CHD3: variants seen among roughly 807,000 people sequenced by gnomAD.
CHD3 encodes the protein chromodomain helicase DNA binding protein 3.
In CHD3, 52 loss-of-function variants were observed where a neutral mutation model predicts 248.9. The ratio of observed to expected loss-of-function variants is 0.21; its 90% CI spans 0.17 to 0.26. The LOEUF (loss-of-function observed/expected upper bound fraction) is 0.26, where lower values mean the gene tolerates loss of function less well. CHD3 is among the 10% of genes least tolerant of loss of function. The pLI is 1.00. For missense variants in CHD3, 1,482 were observed against 2,605.8 expected, an observed-to-expected ratio of 0.57 and a Z score of 9.39; for synonymous variants, 985 against 985.2, an observed-to-expected ratio of 1.00 and a Z score of 0.00.
intron 2 of CHD3, 169 bp from the exon 3 acceptor site, chr17:7,890,402 A>T (rs1968662878): frequency 3.6e-6 from 2 of 555,274 alleles, no homozygotes. Flanking sequence ...GCACTCCAGC[A>T]TGGGTGACAG....
rs1435071380 is a variant in CHD3 at position 7,909,472 on chromosome 17, C to T, written c.5590+134C>T. On this transcript the variant is annotated intron_variant, in intron 37 of 39. Transcript: ENST00000330494. This position sits in a 1 kb window ranked among gnomAD's most constrained non-coding sequence, Gnocchi z 8.1. ...CATCCCCCTCTGACCTCTAACCCCA[C>T]TCCTACCGACCTGGCACCCCCTTGG... 1.1e-5 allele frequency: 14 copies of T among 1,285,932 alleles called. No homozygotes were observed. Among genetic ancestry groups the T allele is most frequent in the Non-Finnish European group, 1.3e-5 (13 of 966,716 alleles). 79.7% of individuals were successfully genotyped at this position (1,285,932 alleles called of 1,614,324 possible).
Position 7,909,396 on chromosome 17 carries a change from C to T in CHD3, c.5590+58C>T. 6.8e-7 allele frequency: 1 copy of T among 1,477,472 alleles called. No homozygotes were observed. Among genetic ancestry groups the T allele is most frequent in the Non-Finnish European group, 9.0e-7 (1 of 1,111,490 alleles). The allele number at this position is 1,477,472 out of a possible 1,614,324, so 91.5% of individuals were successfully genotyped here. On this transcript the variant is annotated intron_variant, in intron 37 of 39. Transcript: ENST00000330494. This position sits in a 1 kb window ranked among gnomAD's most constrained non-coding sequence, Gnocchi z 8.1. ...GCCCACAACGCTGCGTAAGTCTTCA[C>T]CCCGCACCCCTCAAAATCTTCCCAC...
chr17:7,907,785 T>A lies in CHD3; in HGVS notation c.5026+83T>A. 6.6e-7 allele frequency: 1 copy of A among 1,504,826 alleles called. No homozygotes were observed. Among genetic ancestry groups the A allele is most frequent in the Non-Finnish European group, 8.9e-7 (1 of 1,126,590 alleles). The allele number at this position is 1,504,826 out of a possible 1,614,324, so 93.2% of individuals were successfully genotyped here. A position where few individuals can be genotyped will look rare whatever the true frequency, so the allele number is the denominator to read the frequency against. On this transcript the variant is annotated intron_variant, in intron 33 of 39. Coordinates refer to ENST00000330494, the MANE Select transcript of CHD3 (RefSeq NM_001005273.3). This position sits in a 1 kb window ranked among gnomAD's most constrained non-coding sequence, Gnocchi z 4.3. Reference sequence around the variant, plus strand: ...TCTGGGGAACCGAATGCTTGGGTCCTGGGCGGGTAGCTGTTTGAAAGGCCA... The same window carrying A: ...TCTGGGGAACCGAATGCTTGGGTCCAGGGCGGGTAGCTGTTTGAAAGGCCA...
In CHD3 at chr17:7,904,647, A is replaced by T. The variant is rs192700597; in HGVS notation, c.4072+28A>T. The T allele has an allele frequency of 1.9e-6, 3 of 1,597,548 alleles. No homozygotes were observed. Among genetic ancestry groups the T allele is most frequent in the East Asian group, 4.5e-5 (2 of 44,598 alleles). ...GAGGACTGCCCCAGATGCAGGCAGT[A>T]AAGGGGGGAAGTGATGATGAGTAGG... On this transcript the variant is annotated intron_variant, in intron 25 of 39. Coordinates refer to ENST00000330494, the MANE Select transcript of CHD3 (RefSeq NM_001005273.3). The surrounding 1 kb of genome is among the most constrained non-coding windows in gnomAD (Gnocchi z 4.4).
chr17:7,894,833 C>T, intron 8 of CHD3, 84 bp from the exon 9 acceptor site: 1 of 1,566,976 alleles, frequency 6.4e-7, no homozygotes, highest in Non-Finnish European at 8.6e-7. Context: ...TTCTAGGATT[C>T]AGGTGTCCTG....
Position 7,904,325 on chromosome 17 carries a change from A to AGCT in CHD3, c.3895-114_3895-112dup. On this transcript the variant is annotated intron_variant, in intron 24 of 39. Coordinates refer to ENST00000330494, the MANE Select transcript of CHD3 (RefSeq NM_001005273.3). This position sits in a 1 kb window ranked among gnomAD's most constrained non-coding sequence, Gnocchi z 4.4. Reference sequence around the variant, plus strand: ...CCAGAAAATGTATGCAGAGCCACGAAGCTGCAGGAGTGGGGAGACCGGATT... The same window carrying AGCT: ...CCAGAAAATGTATGCAGAGCCACGAAGCTGCTGCAGGAGTGGGGAGACCGGATT... 1 of 908,404 alleles carries AGCT rather than the reference A, an allele frequency of 1.1e-6. No individual in the cohort carries two copies. The highest frequency in any genetic ancestry group is 1.6e-5 in the South Asian group (1 of 61,934). 56.3% of individuals were successfully genotyped at this position (908,404 alleles called of 1,614,324 possible).
At position 7,897,316 on chromosome 17, in the gene CHD3, A is replaced by C; in HGVS notation, c.1919+22A>C. The stretch of plus-strand genomic sequence containing the variant: ...ACAGGTGAATCCTCGGTCCCTGGGA[A>C]GTCAGACCTGGTATATGACATTATT... On this transcript the variant is annotated intron_variant, in intron 11 of 39. Coordinates refer to ENST00000330494, the MANE Select transcript of CHD3 (RefSeq NM_001005273.3). The surrounding 1 kb of genome is among the most constrained non-coding windows in gnomAD (Gnocchi z 4.8). 1.9e-6 allele frequency: 3 copies of C among 1,595,784 alleles called. No individual in the cohort carries two copies. Among genetic ancestry groups the C allele is most frequent in the Non-Finnish European group, 2.6e-6 (3 of 1,165,592 alleles).
intron 2 of CHD3, 106 bp from the exon 3 acceptor site, chr17:7,890,465 A>C (rs1307684369): frequency 7.5e-6 from 6 of 800,656 alleles, no homozygotes; most frequent in Non-Finnish European, 1.1e-5. Context: ...AGTTACTATC[A>C]CAGGATTGTT....
At chr17:7,898,222 C>A in intron 12 of CHD3, 120 bp downstream of exon 12, 1 of 1,216,862 alleles carries the variant, frequency 8.2e-7, no homozygotes, top group Non-Finnish European at 1.2e-6. Context: ...GGGCAATGGC[C>A]ACCTGAGCTG....
rs779331791 is a variant in CHD3, at chr17:7,906,910, G to A, written c.4545G>A (p.Pro1515=). The change falls in exon 30 of 40, where the codon CCG becomes CCA. Residue 1515 remains proline, a synonymous_variant. Transcript: ENST00000330494. The surrounding 1 kb of genome is among the most constrained non-coding windows in gnomAD (Gnocchi z 5.0). ...FEHINGRWSM[P]ELMPDPSADS... ...ACATCAATGGGCGTTGGTCAATGCC[G>A]GAACTGATGCCTGACCCCAGCGCCG... 3.0e-5 allele frequency: 49 copies of A among 1,613,980 alleles called. No individual in the cohort carries two copies. The highest frequency in any genetic ancestry group is 8.3e-5 in the Admixed American group (5 of 60,000).
At chr17:7,901,503 A>AT in intron 20 of CHD3, 128 bp downstream of exon 20, 303 of 279,190 alleles carry the variant, frequency 1.1e-3, no homozygotes, top group Non-Finnish European at 1.4e-3. Context: ...CTCCTGTAAG[A>AT]GTTTTTTTTT....
chr17:7,884,919 C>A, upstream of CHD3: 1 of 1,398,002 alleles, frequency 7.2e-7, no homozygotes, highest in Non-Finnish European at 9.4e-7. Context: ...GAGGTGGAGG[C>A]GGCCGACGAG....
rs1971241956 is a variant in CHD3, at chr17:7,908,272, C to G, written c.5153-130C>G. Reference sequence around the variant, plus strand: ...GAACTGAGTTTGTTCCAAACCTAACCTTTACCCATTCCTCTTCAGGAGCCC... The same window carrying G: ...GAACTGAGTTTGTTCCAAACCTAACGTTTACCCATTCCTCTTCAGGAGCCC... On this transcript the variant is annotated intron_variant, in intron 34 of 39. Coordinates refer to ENST00000330494, the MANE Select transcript of CHD3 (RefSeq NM_001005273.3). The surrounding 1 kb of genome is among the most constrained non-coding windows in gnomAD (Gnocchi z 5.8). 3 of 865,364 alleles carry G rather than the reference C, an allele frequency of 3.5e-6. No homozygotes were observed. The highest frequency in any genetic ancestry group is 5.4e-6 in the Non-Finnish European group (3 of 557,040). 53.6% of individuals were successfully genotyped at this position (865,364 alleles called of 1,614,324 possible). A position where few individuals can be genotyped will look rare whatever the true frequency, so the allele number is the denominator to read the frequency against.
intron 5 of CHD3, 99 bp from the exon 6 acceptor site, chr17:7,893,706 C>T (rs1969219644): frequency 3.3e-6 from 5 of 1,537,842 alleles, no homozygotes; most frequent in Non-Finnish European, 3.5e-6. Flanking sequence ...TTAGTGAAAC[C>T]ACAGCCCACA....
Position 7,907,814 on chromosome 17 carries a change from C to T in CHD3, c.5027-80C>T, listed in dbSNP as rs1049226185. On this transcript the variant is annotated intron_variant, in intron 33 of 39. Coordinates refer to ENST00000330494, the MANE Select transcript of CHD3 (RefSeq NM_001005273.3). The surrounding 1 kb of genome is among the most constrained non-coding windows in gnomAD (Gnocchi z 4.3). ...CGGGTAGCTGTTTGAAAGGCCAGTACAGTACAGTACAGATAGTAGTCTTGG... is the reference window on the plus strand; with the variant it reads ...CGGGTAGCTGTTTGAAAGGCCAGTATAGTACAGTACAGATAGTAGTCTTGG... 3.9e-6 allele frequency: 6 copies of T among 1,543,914 alleles called. No individual in the cohort carries two copies. The highest frequency in any genetic ancestry group is 2.1e-5 in the Admixed American group (1 of 47,936).
chr17:7,885,402 G>A (rs1967731730), upstream of CHD3, among the ~76,000 whole-genome samples: 1 of 149,520 alleles, frequency 6.7e-6, no homozygotes, highest in South Asian at 2.1e-4. Flanking sequence ...CCACTCGGTC[G>A]CGGCTTTCGG....
In CHD3 at chr17:7,910,112, C is replaced by A; in HGVS notation, c.5591-316C>A. ...ATGAGATGTTCTGACAACTCCCCGC[C>A]CCCATGTCTTCCAATGTCCCCCCAT... On this transcript the variant is annotated intron_variant, in intron 37 of 39. Transcript: ENST00000330494. The surrounding 1 kb of genome is among the most constrained non-coding windows in gnomAD (Gnocchi z 4.7). 2 of 405,234 alleles carry A rather than the reference C, an allele frequency of 4.9e-6. No individual in the cohort carries two copies. The highest frequency in any genetic ancestry group is 4.4e-5 in the Admixed American group (1 of 22,960). The allele number at this position is 405,234 out of a possible 1,614,324, so 25.1% of individuals were successfully genotyped here. A position where few individuals can be genotyped will look rare whatever the true frequency, so the allele number is the denominator to read the frequency against.
Position 7,912,260 on chromosome 17 carries a change from G to C in CHD3, c.*675G>C, listed in dbSNP as rs552797133. The stretch of plus-strand genomic sequence containing the variant: ...ATGTTCCCCCCTCCCTAGGGACCAA[G>C]GACCACCCCTACAAAAAGAGTAATG... On this transcript the variant is annotated 3_prime_UTR_variant, in exon 40 of 40. Transcript: ENST00000330494. 6.2e-6 allele frequency: 1 copy of C among 161,380 alleles called. No individual in the cohort carries two copies. The highest frequency in any genetic ancestry group is 6.3e-5 in the Admixed American group (1 of 15,752). The allele number at this position is 161,380 out of a possible 1,614,324, so 10.0% of individuals were successfully genotyped here.
Position 7,897,609 on chromosome 17 carries a change from G to A in CHD3, c.1919+315G>A, listed in dbSNP as rs1326937026. On this transcript the variant is annotated intron_variant, in intron 11 of 39. Transcript: ENST00000330494. This position sits in a 1 kb window ranked among gnomAD's most constrained non-coding sequence, Gnocchi z 4.8. ...CATAATTCATCCAGACCAGTGTTTTGAATGTTTCTTCTTCATAGTACTTAT... is the reference window on the plus strand; with the variant it reads ...CATAATTCATCCAGACCAGTGTTTTAAATGTTTCTTCTTCATAGTACTTAT... 6.6e-6 allele frequency among the ~76,000 whole-genome samples: 1 copy of A among 152,166 alleles called. No individual in the cohort carries two copies. Among genetic ancestry groups the A allele is most frequent in the Non-Finnish European group, 1.5e-5 (1 of 68,030 alleles).
Sources: allele counts gnomAD v4.1 joint callset (sites outside exome capture counted in the v4.1 genomes callset), GRCh38; gene constraint gnomAD v4.1.1; non-coding constraint Gnocchi (gnomAD v3.1); transcripts MANE v1.5; gene names NCBI Gene and HGNC (gene_info 2026-07-23, HGNC 2026-07-21).